ACE: variants seen among roughly 807,000 people sequenced by gnomAD.
The protein encoded by ACE is angiotensin I converting enzyme, also known as angiotensin-converting enzyme.
A neutral mutation model predicts 162.3 loss-of-function variants in ACE; 122 were observed. That is an observed-to-expected ratio of 0.75 (90% confidence interval 0.65 to 0.87). The LOEUF (loss-of-function observed/expected upper bound fraction) is 0.87. ACE is among the 40% of genes least tolerant of loss of function. The pLI is 0.00. For missense variants in ACE, 1,799 were observed against 1,735.1 expected (o/e 1.04, Z -0.65); for synonymous variants, 796 against 720.6 (o/e 1.10, Z -1.68).
intron 5 of ACE, 35 bp from the exon 6 acceptor site, chr17:63,481,056 A>G: frequency 6.9e-6 from 11 of 1,589,264 alleles, no homozygotes; most frequent in Non-Finnish European, 9.5e-6. Flanking sequence ...ACAGCCAGGC[A>G]GGGAGCCAAG....
intron 1 of ACE, chr17:63,477,584 G>A (rs2049639388): frequency 3.1e-6 from 1 of 322,436 alleles, no homozygotes. Context: ...CGCCTTCGCC[G>A]AAGGTGCTGG....
intron 10 of ACE, 68 bp from the exon 11 acceptor site, chr17:63,483,781 T>G (rs1599142675): frequency 6.2e-7 from 1 of 1,611,676 alleles, no homozygotes; most frequent in Non-Finnish European, 8.5e-7. Context: ...AGCTGGATGG[T>G]GCCTGGGTAA....
At position 63,486,613 on chromosome 17, in the gene ACE, G is replaced by A. The variant is rs1568041416; in HGVS notation, c.2115G>A (p.Arg705=). The change falls in exon 14 of 25, where the codon AGG becomes AGA. Residue 705 remains arginine, a synonymous_variant. Transcript: ENST00000290866. ...CCCTGAAGTACGGCACCCAGGCCAG[G>A]AAGTTTGATGTGAACCAGTTGCAGA... ...NHTLKYGTQA[R]KFDVNQLQNT... The A allele has an allele frequency of 6.2e-7, 1 of 1,614,116 alleles. No individual in the cohort carries two copies. Among genetic ancestry groups the A allele is most frequent in the Non-Finnish European group, 8.5e-7 (1 of 1,180,054 alleles).
intron 20 of ACE, 65 bp downstream of exon 20, chr17:63,493,724 G>A (rs2030541542): frequency 1.0e-5 from 16 of 1,577,262 alleles, no homozygotes; most frequent in Non-Finnish European, 1.4e-5. Flanking sequence ...CTTGGGAGGT[G>A]GGAAAGGGGC....
At position 63,497,526 on chromosome 17, in the gene ACE, G is replaced by A. The variant is rs977779542; in HGVS notation, c.*160G>A. 1.0e-4 allele frequency: 74 copies of A among 727,680 alleles called. No homozygotes were observed. The highest frequency in any genetic ancestry group is 9.9e-4 in the African/African-American group (56 of 56,408). 45.1% of individuals were successfully genotyped at this position (727,680 alleles called of 1,614,324 possible). On this transcript the variant is annotated 3_prime_UTR_variant, in exon 25 of 25. Transcript: ENST00000290866. ...CTCCCAGTCCTCCAGACCACCAGCCGCCCCAGCCCCTTCTCCCAGCACACG... is the reference window on the plus strand; with the variant it reads ...CTCCCAGTCCTCCAGACCACCAGCCACCCCAGCCCCTTCTCCCAGCACACG...
At chr17:63,483,737 A>G in intron 10 of ACE, 112 bp from the exon 11 acceptor site, 1 of 1,582,080 alleles carries the variant, frequency 6.3e-7, no homozygotes, top group South Asian at 1.1e-5. Flanking sequence ...TTCTCCCCCA[A>G]GATAGCTTCT....
chr17:63,495,656 G>A (rs138371485), intron 22 of ACE, among the ~76,000 whole-genome samples: 228 of 152,314 alleles, frequency 1.5e-3, no homozygotes, highest in African/African-American at 5.3e-3. Flanking sequence ...CCCAGCCGGC[G>A]CTGGCTCTCA....
intron 15 of ACE, among the ~76,000 whole-genome samples, chr17:63,487,906 C>G (rs758155499): frequency 4.6e-5 from 7 of 152,172 alleles, no homozygotes; most frequent in Non-Finnish European, 7.4e-5. Flanking sequence ...AGGGTTTGGC[C>G]TACAAGTTGT....
Position 63,481,671 on chromosome 17 carries a change from C to T in ACE, c.1051C>T (p.Pro351Ser), listed in dbSNP as rs2049712193. 6.2e-7 allele frequency: 1 copy of T among 1,614,048 alleles called. No individual in the cohort carries two copies. Among genetic ancestry groups the T allele is most frequent in the Non-Finnish European group, 8.5e-7 (1 of 1,180,008 alleles). Residue 351 changes from proline (P) to serine (S), a missense_variant, in exon 7 of 25, where the codon CCG becomes TCG. Transcript: ENST00000290866. ...EFWEGSMLEK[P>S]ADGREVVCHA... ...CTGGGAAGGGTCGATGCTGGAGAAG[C>T]CGGCCGACGGGCGGGAAGTGGTGTG...
intron 1 of ACE, 133 bp downstream of exon 1, chr17:63,477,476 A>T (rs1479745018): frequency 1.4e-6 from 1 of 696,224 alleles, no homozygotes; most frequent in Non-Finnish European, 1.8e-6. Context: ...TCGCCCCGAC[A>T]GTCAGCCGCG....
rs2030827530 is a variant in ACE at position 63,497,326 on chromosome 17, G to A, written c.3881G>A (p.Gly1294Glu). Reference protein sequence around the residue: ...RHRSLHRHSHGPQFGSEVELR... With the variant: ...RHRSLHRHSHEPQFGSEVELR... ...CGCAGCCTCCACCGGCACTCCCACG[G>A]GCCCCAGTTCGGCTCCGAGGTGGAG... The change falls in exon 25 of 25, where the codon GGG (glycine) becomes GAG (glutamate). Residue 1294 changes from glycine to glutamate, a missense_variant. By Grantham distance (98) the Gly-to-Glu change is moderately conservative. Coordinates refer to ENST00000290866, the MANE Select transcript of ACE (RefSeq NM_000789.4). 6.5e-7 allele frequency: 1 copy of A among 1,548,950 alleles called. No homozygotes were observed. The highest frequency in any genetic ancestry group is 1.4e-5 in the African/African-American group (1 of 73,074).
Position 63,486,569 on chromosome 17 carries a change from A to G in ACE, c.2071A>G (p.Met691Val), listed in dbSNP as rs775191459. ...CCTGTGCCCTCAGCTGCAGAAGAAC[A>G]TGCAAATAGCCAACCACACCCTGAA... The part of the protein sequence containing the change: ...ETSKILLQKN[M>V]QIANHTLKYG... Residue 691 changes from methionine (M) to valine (V), a missense_variant, in exon 14 of 25, where the codon ATG becomes GTG. Physicochemically the swap from Met to Val is conservative, Grantham distance 21. Coordinates refer to ENST00000290866, the MANE Select transcript of ACE (RefSeq NM_000789.4). 8 of 1,614,074 alleles carry G rather than the reference A, an allele frequency of 5.0e-6. No homozygotes were observed. The East Asian group carries it at 1.3e-4, about 27-fold the overall frequency.
Position 63,497,714 on chromosome 17 carries a change from TC to T in ACE, c.*350del. The T allele has an allele frequency of 4.2e-6, 2 of 481,400 alleles. No homozygotes were observed. Among genetic ancestry groups the T allele is most frequent in the South Asian group, 4.0e-5 (2 of 50,330 alleles). 29.8% of individuals were successfully genotyped at this position (481,400 alleles called of 1,614,324 possible). On this transcript the variant is annotated 3_prime_UTR_variant, in exon 25 of 25. Coordinates refer to ENST00000290866, the MANE Select transcript of ACE (RefSeq NM_000789.4). ...AAGTGGGTCCCGTTACTAGGTTTGT[TC>T]CTCCATCCTCCTTCAGGAGCCGGGG...
chr17:63,494,290 G>A, intron 21 of ACE, 82 bp from the exon 22 acceptor site: 2 of 1,388,724 alleles, frequency 1.4e-6, no homozygotes, highest in Non-Finnish European at 2.0e-6. Flanking sequence ...CCAAGTGCAG[G>A]GACCCTCCCT....
intron 21 of ACE, 116 bp from the exon 22 acceptor site, chr17:63,494,256 G>T: frequency 7.9e-7 from 1 of 1,269,580 alleles, no homozygotes; most frequent in Non-Finnish European, 1.1e-6. Flanking sequence ...CAGCACGCAG[G>T]AGAATGGGGT....
chr17:63,484,290 C>G lies in ACE; in HGVS notation c.1710-40C>G. Reference sequence around the variant, plus strand: ...CCGGGGTCCAGGAGCAGACTCCAGCCTGAGTCCCCTGTGCCCATGGTACCC... The same window carrying G: ...CCGGGGTCCAGGAGCAGACTCCAGCGTGAGTCCCCTGTGCCCATGGTACCC... On this transcript the variant is annotated intron_variant, in intron 11 of 24. Transcript: ENST00000290866. This position sits in a 1 kb window ranked among gnomAD's most constrained non-coding sequence, Gnocchi z 4.0. 6.3e-7 allele frequency: 1 copy of G among 1,587,878 alleles called. No homozygotes were observed. Among genetic ancestry groups the G allele is most frequent in the Non-Finnish European group, 8.6e-7 (1 of 1,169,008 alleles).
Position 63,483,166 on chromosome 17 carries a change from T to G in ACE, c.1480T>G (p.Tyr494Asp), listed in dbSNP as rs760325775. The G allele has an allele frequency of 1.7e-5, 27 of 1,613,800 alleles. No individual in the cohort carries two copies. The highest frequency in any genetic ancestry group is 2.2e-5 in the Non-Finnish European group (26 of 1,179,990). ...PPSRYNFDWW[Y>D]LRTKYQGICP... is the part of the protein sequence containing the mutation. ...TTCCCGCTACAACTTCGACTGGTGG[T>G]ATCTTCGGTGAGAGGAGGGATAGAA... is the stretch of plus-strand genomic sequence containing the variant. The change falls in exon 9 of 25, where the codon TAT becomes GAT. Residue 494 changes from tyrosine to aspartate, a missense_variant. Coordinates refer to ENST00000290866, the MANE Select transcript of ACE (RefSeq NM_000789.4).
In ACE at chr17:63,480,395, C is replaced by T. The variant is rs556856171; in HGVS notation, c.714C>T (p.Asp238=). The T allele has an allele frequency of 2.5e-5, 41 of 1,614,146 alleles. No individual in the cohort carries two copies. In the Middle Eastern group the frequency reaches 6.6e-4, roughly 26 times the overall value. The part of the protein sequence containing the change: ...RSWYNSPTFE[D]DLEHLYQQLE... ...GGTACAACTCCCCCACCTTCGAGGACGATCTGGAACACCTCTACCAACAGC... is the reference window on the plus strand; with the variant it reads ...GGTACAACTCCCCCACCTTCGAGGATGATCTGGAACACCTCTACCAACAGC... The change falls in exon 5 of 25, where the codon GAC becomes GAT. Residue 238 remains aspartate, a synonymous_variant. Transcript: ENST00000290866.
Position 63,488,810 on chromosome 17 carries a change from C to A in ACE, c.2449+19C>A. The A allele has an allele frequency of 6.2e-7, 1 of 1,614,064 alleles. No individual in the cohort carries two copies. Among genetic ancestry groups the A allele is most frequent in the Non-Finnish European group, 8.5e-7 (1 of 1,180,032 alleles). Reference sequence around the variant, plus strand: ...CTCAATGGTGAGTCCCTGCTGCCAACATCACTGGCACTTGGGTCCCTTCAT... The same window carrying A: ...CTCAATGGTGAGTCCCTGCTGCCAAAATCACTGGCACTTGGGTCCCTTCAT... On this transcript the variant is annotated intron_variant, in intron 16 of 24. Coordinates refer to ENST00000290866, the MANE Select transcript of ACE (RefSeq NM_000789.4).
Sources: gnomAD v4.1 joint callset for allele counts (sites outside exome capture counted in the v4.1 genomes callset) on GRCh38, gnomAD v4.1.1 for gene constraint, Gnocchi (gnomAD v3.1) non-coding constraint, MANE v1.5 for transcripts, NCBI Gene and HGNC (gene_info 2026-07-23, HGNC 2026-07-21) for gene names.